The following CLEC4G variants were observed in gnomAD, a reference collection of about 807,000 sequenced individuals.
CLEC4G encodes C-type lectin superfamily 4, member G.
Under a neutral mutation model 37.0 loss-of-function variants are expected in CLEC4G, and 34 were observed. The ratio of observed to expected loss-of-function variants is 0.92; its 90% CI spans 0.70 to 1.22. The LOEUF (loss-of-function observed/expected upper bound fraction) is 1.22, where lower values mean the gene tolerates loss of function less well. Ranked by LOEUF, CLEC4G falls within the 50% of genes most tolerant of loss-of-function variation. The pLI is 0.00. For synonymous variants in CLEC4G, 167 were observed against 165.6 expected (o/e 1.01, Z -0.06); for missense variants, 390 against 392.9 (o/e 0.99, Z 0.06).
At chr19:7,729,638 T>TAC in intron 8 of CLEC4G, 134 bp from the exon 9 acceptor site, 1 of 1,221,622 alleles carries the variant, frequency 8.2e-7, no homozygotes, top group Non-Finnish European at 1.1e-6. Context: ...CTAACCTGAG[T>TAC]ATACACCTGG....
rs2033421236 is a variant in CLEC4G, at chr19:7,730,938, C to T, written c.284-79G>A. 1 of 1,488,956 alleles carries T rather than the reference C, an allele frequency of 6.7e-7. No individual in the cohort carries two copies. Among genetic ancestry groups the T allele is most frequent in the South Asian group, 1.3e-5 (1 of 78,272 alleles). The allele number at this position is 1,488,956 out of a possible 1,614,324, so 92.2% of individuals were successfully genotyped here. ...GGAGACCAGCCCCCGCCCCGCACCA[C>T]CCGCCGCAGGCCTCCGCCCCGGCCC... On this transcript the variant is annotated intron_variant, in intron 4 of 8. Coordinates refer to ENST00000328853, the MANE Select transcript of CLEC4G (RefSeq NM_198492.4). This position sits in a 1 kb window ranked among gnomAD's most constrained non-coding sequence, Gnocchi z 7.3.
chr19:7,729,915 G>A lies in CLEC4G; in HGVS notation c.649C>T (p.Arg217Cys), dbSNP rs770985333. ...DEQGFLTRNT[R>C]GRGYWLGLRA... ...AGGCCCAGCCAGTAACCACGGCCAC[G>A]CGTGTTCCGAGTGAGGAAGCCCTAG... Residue 217 changes from arginine to cysteine, a missense_variant, in exon 8 of 9, where the codon CGT (arginine) becomes TGT (cysteine). By Grantham distance (180) the Arg-to-Cys change is radical (BLOSUM62 -3). Coordinates refer to ENST00000328853, the MANE Select transcript of CLEC4G (RefSeq NM_198492.4). 1.4e-5 allele frequency: 23 copies of A among 1,614,026 alleles called. No individual in the cohort carries two copies. The highest frequency in any genetic ancestry group is 1.9e-5 in the Non-Finnish European group (22 of 1,180,034).
chr19:7,729,589 C>T lies in CLEC4G; in HGVS notation c.744-85G>A, dbSNP rs555675514. The T allele has an allele frequency of 3.2e-4, 396 of 1,235,576 alleles. 1 individual carries two copies. Among genetic ancestry groups the T allele is most frequent in the Middle Eastern group, 1.4e-3 (7 of 4,892 alleles). 76.5% of individuals were successfully genotyped at this position (1,235,576 alleles called of 1,614,324 possible). A position where few individuals can be genotyped will look rare whatever the true frequency, so the allele number is the denominator to read the frequency against. ...CCCGCCTTCCTCTTCAGGCTCTAGCCTGTTTATTGCTTGGGTCTACTCTAG... is the reference window on the plus strand; with the variant it reads ...CCCGCCTTCCTCTTCAGGCTCTAGCTTGTTTATTGCTTGGGTCTACTCTAG... On this transcript the variant is annotated intron_variant, in intron 8 of 8. Coordinates refer to ENST00000328853, the MANE Select transcript of CLEC4G (RefSeq NM_198492.4).
At position 7,730,657 on chromosome 19, in the gene CLEC4G, C is replaced by T. The variant is rs2033414329; in HGVS notation, c.388+98G>A. The T allele has an allele frequency of 7.7e-6, 11 of 1,435,314 alleles. No individual in the cohort carries two copies. Among genetic ancestry groups the T allele is most frequent in the Middle Eastern group, 5.1e-4 (2 of 3,942 alleles). The allele number at this position is 1,435,314 out of a possible 1,614,324, so 88.9% of individuals were successfully genotyped here. A position where few individuals can be genotyped will look rare whatever the true frequency, so the allele number is the denominator to read the frequency against. On this transcript the variant is annotated intron_variant, in intron 5 of 8. Coordinates refer to ENST00000328853, the MANE Select transcript of CLEC4G (RefSeq NM_198492.4). This position sits in a 1 kb window ranked among gnomAD's most constrained non-coding sequence, Gnocchi z 7.3. ...TCAGAGTGCAGCGTCAGGGTCAGGA[C>T]GGGGTGCATGATCGGGGTCGGGGGT... is the stretch of plus-strand genomic sequence containing the variant.
rs754069662 is a variant in CLEC4G, at chr19:7,729,194, G to A, written c.*172C>T. Reference sequence around the variant, plus strand: ...ATGAGGTCGGCATGGAGGTCCCAGAGCCCAGGCACTGGGCTGGACAGGGCT... The same window carrying A: ...ATGAGGTCGGCATGGAGGTCCCAGAACCCAGGCACTGGGCTGGACAGGGCT... On this transcript the variant is annotated 3_prime_UTR_variant, in exon 9 of 9. Coordinates refer to ENST00000328853, the MANE Select transcript of CLEC4G (RefSeq NM_198492.4). 1 of 699,482 alleles carries A rather than the reference G, an allele frequency of 1.4e-6. No individual in the cohort carries two copies. Among genetic ancestry groups the A allele is most frequent in the Non-Finnish European group, 2.6e-6 (1 of 383,122 alleles). The allele number at this position is 699,482 out of a possible 1,614,324, so 43.3% of individuals were successfully genotyped here. A position where few individuals can be genotyped will look rare whatever the true frequency, so the allele number is the denominator to read the frequency against.
intron 8 of CLEC4G, 25 bp from the exon 9 acceptor site, chr19:7,729,529 T>C (rs1284169723): frequency 6.4e-7 from 1 of 1,555,338 alleles, no homozygotes; most frequent in Non-Finnish European, 8.8e-7. Context: ...AGTGGGGGTG[T>C]TGCTGGGAAT....
In CLEC4G at chr19:7,730,980, G is replaced by T. The variant is rs1432345880; in HGVS notation, c.283+46C>A. 1 of 1,385,234 alleles carries T rather than the reference G, an allele frequency of 7.2e-7. No individual in the cohort carries two copies. The highest frequency in any genetic ancestry group is 9.5e-7 in the Non-Finnish European group (1 of 1,055,376). 85.8% of individuals were successfully genotyped at this position (1,385,234 alleles called of 1,614,324 possible). ...CCCCGGCCCCCCTCCCATCGCGGCC[G>T]CAAGACCCCATCCCTGCGCCCACAG... On this transcript the variant is annotated intron_variant, in intron 4 of 8. Transcript: ENST00000328853. The surrounding 1 kb of genome is among the most constrained non-coding windows in gnomAD (Gnocchi z 7.3).
At position 7,729,191 on chromosome 19, in the gene CLEC4G, A is replaced by AGAGCCCAGGCACTGGGCTG. The variant is rs747132869; in HGVS notation, c.*156_*174dup. ...AGGATGAGGTCGGCATGGAGGTCCC[A>AGAGCCCAGGCACTGGGCTG]GAGCCCAGGCACTGGGCTGGACAGG... On this transcript the variant is annotated 3_prime_UTR_variant, in exon 9 of 9. Transcript: ENST00000328853. 1 of 697,956 alleles carries AGAGCCCAGGCACTGGGCTG rather than the reference A, an allele frequency of 1.4e-6. No individual in the cohort carries two copies. The highest frequency in any genetic ancestry group is 2.6e-6 in the Non-Finnish European group (1 of 382,008). The allele number at this position is 697,956 out of a possible 1,614,324, so 43.2% of individuals were successfully genotyped here.
intron 1 of CLEC4G, 123 bp from the exon 2 acceptor site, chr19:7,731,894 C>A: frequency 6.6e-7 from 1 of 1,522,246 alleles, no homozygotes; most frequent in Non-Finnish European, 8.8e-7. Context: ...AGCTTCTAAG[C>A]GGCAGAGTTG....
Position 7,729,077 on chromosome 19 carries a change from A to G in CLEC4G, c.*289T>C. 1.9e-6 allele frequency: 1 copy of G among 523,324 alleles called. No homozygotes were observed. The highest frequency in any genetic ancestry group is 3.6e-6 in the Non-Finnish European group (1 of 274,786). The allele number at this position is 523,324 out of a possible 1,614,324, so 32.4% of individuals were successfully genotyped here. On this transcript the variant is annotated 3_prime_UTR_variant, in exon 9 of 9. Coordinates refer to ENST00000328853, the MANE Select transcript of CLEC4G (RefSeq NM_198492.4). ...AGTCCTCAGTCACCTAACCTTGGTT[A>G]GGGAGAGAAGTGGAGGCATATCACG...
Position 7,731,784 on chromosome 19 carries a change from G to A in CLEC4G, c.56-13C>T, listed in dbSNP as rs374484588. The A allele has an allele frequency of 2.1e-5, 34 of 1,609,722 alleles. No homozygotes were observed. In the African/African-American group the frequency reaches 4.3e-4, roughly 20 times the overall value. ...CGTCCCCAGGGCCCTGGCATAACAAGGACGGCATGCTGGGTCCCCCAGAAC... is the reference window on the plus strand; with the variant it reads ...CGTCCCCAGGGCCCTGGCATAACAAAGACGGCATGCTGGGTCCCCCAGAAC... On this transcript the variant is annotated splice_polypyrimidine_tract_variant and intron_variant, in intron 1 of 8. Transcript: ENST00000328853.
Position 7,729,273 on chromosome 19 carries a change from C to A in CLEC4G, c.*93G>T. The A allele has an allele frequency of 1.2e-6, 1 of 859,740 alleles. No individual in the cohort carries two copies. Among genetic ancestry groups the A allele is most frequent in the Middle Eastern group, 2.2e-4 (1 of 4,648 alleles). The allele number at this position is 859,740 out of a possible 1,614,324, so 53.3% of individuals were successfully genotyped here. A position where few individuals can be genotyped will look rare whatever the true frequency, so the allele number is the denominator to read the frequency against. On this transcript the variant is annotated 3_prime_UTR_variant, in exon 9 of 9. Coordinates refer to ENST00000328853, the MANE Select transcript of CLEC4G (RefSeq NM_198492.4). Reference sequence around the variant, plus strand: ...GCAGCGGTGGATGAGGAAGAAAAAACTCTTTGGCAATCAGCTCCAGGAGCC... The same window carrying A: ...GCAGCGGTGGATGAGGAAGAAAAAAATCTTTGGCAATCAGCTCCAGGAGCC...
chr19:7,730,209 G>A lies in CLEC4G; in HGVS notation c.479-42C>T, dbSNP rs200560949. Reference sequence around the variant, plus strand: ...GTCAGAGAGGTCGCGTGCTTCCAGGGGCAACGCACCGAGAGGATGCAGTGG... The same window carrying A: ...GTCAGAGAGGTCGCGTGCTTCCAGGAGCAACGCACCGAGAGGATGCAGTGG... On this transcript the variant is annotated intron_variant, in intron 6 of 8. Transcript: ENST00000328853. This position sits in a 1 kb window ranked among gnomAD's most constrained non-coding sequence, Gnocchi z 7.3. 3.8e-4 allele frequency: 611 copies of A among 1,600,914 alleles called. 4 individuals carry two copies. In the African/African-American group the frequency reaches 7.2e-3, roughly 19 times the overall value.
In CLEC4G at chr19:7,729,471, C is replaced by G; in HGVS notation, c.777G>C (p.Trp259Cys). The G allele has an allele frequency of 6.2e-7, 1 of 1,607,586 alleles. No homozygotes were observed. Among genetic ancestry groups the G allele is most frequent in the Non-Finnish European group, 8.5e-7 (1 of 1,174,362 alleles). ...HWNQGEPNDA[W>C]GRENCVMMLH... The stretch of plus-strand genomic sequence containing the variant: ...GCATCATGACACAGTTCTCGCGCCC[C>G]CAAGCGTCATTGGGCTCTCCCTGGT... The change falls in exon 9 of 9, where the codon TGG (tryptophan) becomes TGC (cysteine). Residue 259 changes from tryptophan (W) to cysteine (C), a missense_variant. Trp to Cys is a radical substitution (Grantham distance 215). Transcript: ENST00000328853.
chr19:7,729,917 G>A lies in CLEC4G; in HGVS notation c.647C>T (p.Thr216Met). Residue 216 changes from threonine (T) to methionine (M), a missense_variant, in exon 8 of 9, where the codon ACG becomes ATG. Thr to Met is a moderately conservative substitution (Grantham distance 81, BLOSUM62 -1). Coordinates refer to ENST00000328853, the MANE Select transcript of CLEC4G (RefSeq NM_198492.4). ...LDEQGFLTRNTRGRGYWLGLR... is the reference protein window; with the variant it reads ...LDEQGFLTRNMRGRGYWLGLR... ...GCCCAGCCAGTAACCACGGCCACGC[G>A]TGTTCCGAGTGAGGAAGCCCTAGAA... is the stretch of plus-strand genomic sequence containing the variant. The A allele has an allele frequency of 1.2e-6, 2 of 1,614,138 alleles. No homozygotes were observed. The highest frequency in any genetic ancestry group is 1.7e-6 in the Non-Finnish European group (2 of 1,180,018).
Position 7,729,476 on chromosome 19 carries a change from C to T in CLEC4G, c.772G>A (p.Ala258Thr). The stretch of plus-strand genomic sequence containing the variant: ...ATGACACAGTTCTCGCGCCCCCAAG[C>T]GTCATTGGGCTCTCCCTGGTTCCAG... ...SHWNQGEPND[A>T]WGRENCVMML... Residue 258 changes from alanine to threonine, a missense_variant, in exon 9 of 9, where the codon GCT becomes ACT. Transcript: ENST00000328853. The T allele has an allele frequency of 6.2e-7, 1 of 1,605,128 alleles. No individual in the cohort carries two copies. Among genetic ancestry groups the T allele is most frequent in the Admixed American group, 1.7e-5 (1 of 59,896 alleles).
Position 7,730,270 on chromosome 19 carries a change from C to A in CLEC4G, c.478+81G>T. The A allele has an allele frequency of 6.4e-7, 1 of 1,572,622 alleles. No individual in the cohort carries two copies. Among genetic ancestry groups the A allele is most frequent in the Non-Finnish European group, 8.6e-7 (1 of 1,162,572 alleles). ...GGCCCCGCGGGCTCAGGGGTGGAGA[C>A]ACAGAACCAGGCCAAGGTCCAGGAG... On this transcript the variant is annotated intron_variant, in intron 6 of 8. Transcript: ENST00000328853. The surrounding 1 kb of genome is among the most constrained non-coding windows in gnomAD (Gnocchi z 7.3).
Position 7,729,935 on chromosome 19 carries a change from C to T in CLEC4G, c.629G>A (p.Gly210Asp), listed in dbSNP as rs780612239. Residue 210 changes from glycine to aspartate, a missense_variant and splice_region_variant, in exon 8 of 9, where the codon GGC (glycine) becomes GAC (aspartate). By Grantham distance (94) the Gly-to-Asp change is moderately conservative. Transcript: ENST00000328853. ...GCCACGCGTGTTCCGAGTGAGGAAG[C>T]CCTAGAAAGGAGGGGACATCTGAGC... Reference protein sequence around the residue: ...LVIVGGLDEQGFLTRNTRGRG... With the variant: ...LVIVGGLDEQDFLTRNTRGRG... 11 of 1,613,976 alleles carry T rather than the reference C, an allele frequency of 6.8e-6. No individual in the cohort carries two copies. Among genetic ancestry groups the T allele is most frequent in the Non-Finnish European group, 9.3e-6 (11 of 1,179,972 alleles).
rs1272989240 is a variant in CLEC4G at position 7,731,046 on chromosome 19, A to G, written c.263T>C (p.Val88Ala). The G allele has an allele frequency of 1.2e-6, 2 of 1,603,054 alleles. No individual in the cohort carries two copies. Among genetic ancestry groups the G allele is most frequent in the Non-Finnish European group, 1.7e-6 (2 of 1,179,230 alleles). The change falls in exon 4 of 9, where the codon GTC (valine) becomes GCC (alanine). Residue 88 changes from valine (V) to alanine (A), a missense_variant. Val to Ala is a moderately conservative substitution (Grantham distance 64, BLOSUM62 0). Transcript: ENST00000328853. ...CTCACAGCAGCTGTGGCAGTCTCCG[A>G]CCTCCTCCTTCAGGGCACCCAGCGC... is the stretch of plus-strand genomic sequence containing the variant. ...TAALGALKEE[V>A]GDCHSCCSGT...
Sources: allele counts gnomAD v4.1 joint callset, GRCh38; gene constraint gnomAD v4.1.1; non-coding constraint Gnocchi (gnomAD v3.1); transcripts MANE v1.5; gene names NCBI Gene and HGNC (gene_info 2026-07-23, HGNC 2026-07-21).